WWOX: variants seen among roughly 807,000 people sequenced by gnomAD.
The protein encoded by WWOX is WW domain-containing oxidoreductase.
WWOX carries 69 observed loss-of-function variants against 46.2 expected under a neutral mutation model. The observed-to-expected ratio is 1.49, with a 90% CI of 1.23 to 1.82. WWOX has a LOEUF of 1.82. Ranked by LOEUF, WWOX falls within the 40% of genes most tolerant of loss-of-function variation. The pLI, the probability that WWOX is intolerant of heterozygous loss-of-function variation, is 0.00. For synonymous variants in WWOX, 359 were observed against 202.6 expected, an observed-to-expected ratio of 1.77 and a Z score of -6.56; for missense variants, 919 against 542.6, an observed-to-expected ratio of 1.69 and a Z score of -6.89.
chr16:78,587,723 G>T lies in WWOX; in HGVS notation c.1056+154971G>T, dbSNP rs17721530. ...ATGGCTTGACTGTGGCCTTCACCTT[G>T]CTTTTTGTGGAGCTGGATATAGACA... is the stretch of plus-strand genomic sequence containing the variant. On this transcript the variant is annotated intron_variant, in intron 8 of 8. Transcript: ENST00000566780. 2.0e-5 allele frequency among the ~76,000 whole-genome samples: 3 copies of T among 152,128 alleles called. No homozygotes were observed. The South Asian group carries it at 6.2e-4, about 32-fold the overall frequency.
intron 5 of WWOX, among the ~76,000 whole-genome samples, chr16:78,198,650 A>C (rs1283697186): frequency 3.3e-5 from 5 of 152,152 alleles, no homozygotes; most frequent in African/African-American, 1.2e-4. Context: ...GATTTCAGGC[A>C]CTATCTAATG....
intron 8 of WWOX, among the ~76,000 whole-genome samples, chr16:78,508,511 C>T (rs900408556): frequency 1.3e-5 from 2 of 152,146 alleles, no homozygotes; most frequent in Non-Finnish European, 2.9e-5. Flanking sequence ...GTTGGCCAGC[C>T]TGGCCTTGAT....
chr16:78,242,396 CT>C (rs2037682144), intron 5 of WWOX, among the ~76,000 whole-genome samples: 2 of 152,336 alleles, frequency 1.3e-5, no homozygotes, highest in Non-Finnish European at 2.9e-5. Context: ...ATTAACACAA[CT>C]TCTCCGTGTG....
intron 8 of WWOX, among the ~76,000 whole-genome samples, chr16:78,794,715 T>C (rs563440944): frequency 1.3e-5 from 2 of 152,226 alleles, no homozygotes; most frequent in Non-Finnish European, 1.5e-5. Context: ...CTTACTGTTA[T>C]TATTAGCTCT....
chr16:79,211,609 A>C lies in WWOX; in HGVS notation c.1058A>C (p.Gln353Pro). The C allele has an allele frequency of 6.2e-7, 1 of 1,614,142 alleles. No homozygotes were observed. The highest frequency in any genetic ancestry group is 2.2e-5 in the East Asian group (1 of 44,870). ...TTGTCTTTCTTCTTGGATTTCCAGC[A>C]ACAGGGAGCTGCCACCACCGTGTAC... Reference protein sequence around the residue: ...TLARPFTKSMQQGAATTVYCA... With the variant: ...TLARPFTKSMPQGAATTVYCA... The change falls in exon 9 of 9, where the codon CAA becomes CCA. Residue 353 changes from glutamine (Q) to proline (P), a missense_variant and splice_region_variant. Coordinates refer to ENST00000566780, the MANE Select transcript of WWOX (RefSeq NM_016373.4).
chr16:78,890,410 T>C (rs1205019781), intron 8 of WWOX: 1 of 152,236 alleles, frequency 6.6e-6, no homozygotes, highest in Non-Finnish European at 1.5e-5. Flanking sequence ...ATGTTCTTAA[T>C]GGACATCCCT....
intron 8 of WWOX, among the ~76,000 whole-genome samples, chr16:79,007,042 G>T (rs1485736226): frequency 6.6e-6 from 1 of 152,014 alleles, no homozygotes; most frequent in Non-Finnish European, 1.5e-5. Flanking sequence ...GTATCTCTAG[G>T]GGACCATTAT....
At chr16:78,322,389 T>G (rs970922546) in intron 5 of WWOX, among the ~76,000 whole-genome samples, 1 of 152,240 alleles carries the variant, frequency 6.6e-6, no homozygotes, top group African/African-American at 2.4e-5. Flanking sequence ...TAGTATATGA[T>G]AATAATGACT....
chr16:79,121,151 T>G (rs1056288628), intron 8 of WWOX, among the ~76,000 whole-genome samples: 4 of 152,184 alleles, frequency 2.6e-5, no homozygotes, highest in Non-Finnish European at 5.9e-5. Flanking sequence ...CAAAAAATGT[T>G]TACTCACACC....
At chr16:78,574,748 C>A (rs193006256) in intron 8 of WWOX, among the ~76,000 whole-genome samples, 8 of 150,990 alleles carry the variant, frequency 5.3e-5, no homozygotes, top group Non-Finnish European at 8.8e-5. Context: ...TCTGAAAAAA[C>A]CAAGCTCATA....
At chr16:78,456,553 C>A (rs555292483) in intron 8 of WWOX, among the ~76,000 whole-genome samples, 21 of 152,194 alleles carry the variant, frequency 1.4e-4, no homozygotes, top group African/African-American at 4.8e-4. Context: ...TAATATAGAA[C>A]AATATTTTAA....
At chr16:78,479,894 C>A (rs1040043285) in intron 8 of WWOX, among the ~76,000 whole-genome samples, 17 of 146,576 alleles carry the variant, frequency 1.2e-4, no homozygotes, top group African/African-American at 4.1e-4. Context: ...TGTTCACTGC[C>A]CCCTCCTGGG....
Position 78,827,302 on chromosome 16 carries a change from T to G in WWOX, c.1057-384306T>G, listed in dbSNP as rs141221841. ...TGATAAGAGCTTCACGCAGATGACA[T>G]CAAAGCACCATGTGTGGGGGAAGCA... On this transcript the variant is annotated intron_variant, in intron 8 of 8. Coordinates refer to ENST00000566780, the MANE Select transcript of WWOX (RefSeq NM_016373.4). Among the ~76,000 whole-genome samples the G allele has an allele frequency of 3.8e-3, 579 of 152,220 alleles. 3 individuals carry two copies. Among genetic ancestry groups the G allele is most frequent in the African/African-American group, 0.013 (549 of 41,524 alleles).
At chr16:79,104,772 A>T (rs1184657133) in intron 8 of WWOX, among the ~76,000 whole-genome samples, 2 of 152,166 alleles carry the variant, frequency 1.3e-5, no homozygotes, top group Admixed American at 1.3e-4. Flanking sequence ...ACAGAAAAAA[A>T]TGCCAAGAAT....
At chr16:78,353,444 A>G (rs9922828) in intron 5 of WWOX, among the ~76,000 whole-genome samples, 107,074 of 151,888 alleles carry the variant, frequency 0.7, 38,579 homozygotes, top group African/African-American at 0.76. Context: ...ATCGATTAAT[A>G]GAAATCATCC....
intron 8 of WWOX, among the ~76,000 whole-genome samples, chr16:78,805,433 T>TTC (rs2051006855): frequency 1.3e-5 from 2 of 151,450 alleles, no homozygotes; most frequent in African/African-American, 4.9e-5. Flanking sequence ...GCTAATTTTT[T>TTC]TTTTTGTATT....
At chr16:78,371,126 G>C (rs1381367535) in intron 5 of WWOX, among the ~76,000 whole-genome samples, 1 of 151,784 alleles carries the variant, frequency 6.6e-6, no homozygotes, top group African/African-American at 2.4e-5. Flanking sequence ...ACATACCTAG[G>C]TAATTTTACT....
At chr16:78,903,845 A>G (rs141949405) in intron 8 of WWOX, among the ~76,000 whole-genome samples, 34 of 152,320 alleles carry the variant, frequency 2.2e-4, no homozygotes, top group East Asian at 1.5e-3. Flanking sequence ...GGAACATTCT[A>G]TTTAGTTCTC....
intron 8 of WWOX, among the ~76,000 whole-genome samples, chr16:78,918,308 G>A (rs1200290999): frequency 6.6e-6 from 1 of 152,110 alleles, no homozygotes; most frequent in East Asian, 1.9e-4. Context: ...CTTCTAAGAG[G>A]CATCTTCTAT....
Sources: gnomAD v4.1 joint callset for allele counts (sites outside exome capture counted in the v4.1 genomes callset) on GRCh38, gnomAD v4.1.1 for gene constraint, MANE v1.5 for transcripts, NCBI Gene and HGNC (gene_info 2026-07-23, HGNC 2026-07-21) for gene names.